CDH13: variants seen among roughly 807,000 people sequenced by gnomAD.
The protein encoded by CDH13 is cadherin-13.
Under a neutral mutation model 63.8 loss-of-function variants are expected in CDH13, and 24 were observed. The observed-to-expected ratio is 0.38, with a 90% CI of 0.27 to 0.53. The LOEUF (loss-of-function observed/expected upper bound fraction) is 0.53. Ranked by LOEUF, CDH13 falls within the 20% of genes least tolerant of loss-of-function variation. CDH13 has a pLI of 0.85. For missense variants in CDH13, 1,049 were observed against 903.1 expected, an observed-to-expected ratio of 1.16 and a Z score of -2.07; for synonymous variants, 503 against 355.3, an observed-to-expected ratio of 1.42 and a Z score of -4.67.
At chr16:83,070,954 G>A (rs559407647) in intron 3 of CDH13, among the ~76,000 whole-genome samples, 4 of 149,644 alleles carry the variant, frequency 2.7e-5, no homozygotes, top group African/African-American at 9.8e-5. Flanking sequence ...TATGCTTCAC[G>A]CAGTCATGCC....
At chr16:83,728,911 C>A in intron 10 of CDH13, 2 of 153,506 alleles carry the variant, frequency 1.3e-5, no homozygotes, top group South Asian at 3.7e-4. Flanking sequence ...CTAGCTGGTT[C>A]AGTCTCTGGG....
intron 7 of CDH13, among the ~76,000 whole-genome samples, chr16:83,496,628 A>C (rs1301030203): frequency 2.0e-5 from 3 of 152,160 alleles, no homozygotes; most frequent in South Asian, 2.1e-4. Context: ...AAAACACCAA[A>C]AGCAATGGCA....
At chr16:82,864,190 G>GTA in intron 2 of CDH13, among the ~76,000 whole-genome samples, 1 of 152,138 alleles carries the variant, frequency 6.6e-6, no homozygotes, top group Admixed American at 6.5e-5. Flanking sequence ...CTTTTCTGAA[G>GTA]TTTTAATATG....
chr16:83,067,688 C>T (rs568300152), intron 3 of CDH13, among the ~76,000 whole-genome samples: 2 of 152,072 alleles, frequency 1.3e-5, no homozygotes, highest in East Asian at 3.9e-4. Flanking sequence ...GACTGAATAA[C>T]AAAAGTAGGT....
intron 8 of CDH13, among the ~76,000 whole-genome samples, chr16:83,604,967 T>C (rs1307649214): frequency 1.3e-5 from 2 of 152,222 alleles, no homozygotes; most frequent in South Asian, 2.1e-4. Flanking sequence ...TAATTTAACA[T>C]GGACTCTAAA....
intron 1 of CDH13, among the ~76,000 whole-genome samples, chr16:82,845,167 T>A (rs1259846631): frequency 1.3e-5 from 2 of 152,066 alleles, no homozygotes; most frequent in Non-Finnish European, 2.9e-5. Context: ...ATCCTTGAGC[T>A]CACTGCTGTA....
intron 8 of CDH13, among the ~76,000 whole-genome samples, chr16:83,643,429 C>G (rs920550121): frequency 5.3e-5 from 8 of 152,050 alleles, no homozygotes; most frequent in African/African-American, 1.9e-4. Flanking sequence ...ATATTGCCAT[C>G]TGTCTCACGA....
intron 3 of CDH13, among the ~76,000 whole-genome samples, chr16:83,080,871 G>GTGTTTTT (rs2033184161): frequency 2.1e-5 from 1 of 46,928 alleles, no homozygotes; most frequent in Non-Finnish European, 3.5e-5. Flanking sequence ...TTGTTTTTGT[G>GTGTTTTT]TTTTTTTTTT....
intron 2 of CDH13, among the ~76,000 whole-genome samples, chr16:82,920,145 T>G (rs1184215115): frequency 6.6e-6 from 1 of 152,192 alleles, no homozygotes; most frequent in Non-Finnish European, 1.5e-5. Flanking sequence ...GCTTCAGGCC[T>G]GGCTGGGTGT....
At chr16:83,568,624 C>T (rs1477245512) in intron 7 of CDH13, among the ~76,000 whole-genome samples, 1 of 152,148 alleles carries the variant, frequency 6.6e-6, no homozygotes, top group Non-Finnish European at 1.5e-5. Flanking sequence ...CAACTAAGGG[C>T]ACCAACAATA....
chr16:83,776,720 T>C (rs1186447282), intron 11 of CDH13, among the ~76,000 whole-genome samples: 4 of 152,168 alleles, frequency 2.6e-5, no homozygotes, highest in African/African-American at 9.7e-5. Flanking sequence ...TCTCTTCACT[T>C]CTTATCCTCG....
chr16:83,703,482 T>A (rs577212710), intron 10 of CDH13, among the ~76,000 whole-genome samples: 2 of 152,228 alleles, frequency 1.3e-5, no homozygotes, highest in Admixed American at 6.5e-5. Context: ...GAGAAATTGT[T>A]TCTGATATAA....
intron 2 of CDH13, among the ~76,000 whole-genome samples, chr16:82,882,557 C>G (rs887585341): frequency 6.6e-6 from 1 of 152,134 alleles, no homozygotes; most frequent in East Asian, 1.9e-4. Context: ...CATTTCTTAA[C>G]CATGCTGGAA....
At chr16:83,156,191 C>G (rs887913168) in intron 4 of CDH13, among the ~76,000 whole-genome samples, 6 of 152,212 alleles carry the variant, frequency 3.9e-5, no homozygotes, top group Admixed American at 2.0e-4. Context: ...AATAACCAAA[C>G]TCCTTGAGTT....
rs57257351 is a variant in CDH13 at position 82,792,834 on chromosome 16, C to T, written c.46-65528C>T. On this transcript the variant is annotated intron_variant, in intron 1 of 13. Coordinates refer to ENST00000567109, the MANE Select transcript of CDH13 (RefSeq NM_001257.5). The stretch of plus-strand genomic sequence containing the variant: ...CAACTGCATCCAGGCTGCGTGACAT[C>T]ATTCCAGACTACAAAGTGCCAAGCG... 3.9e-3 allele frequency among the ~76,000 whole-genome samples: 588 copies of T among 152,352 alleles called. 33 individuals are homozygous for T. In the East Asian group the frequency reaches 0.09, roughly 23 times the overall value.
intron 10 of CDH13, chr16:83,725,432 A>C (rs940542770): frequency 6.6e-6 from 1 of 152,346 alleles, no homozygotes; most frequent in Non-Finnish European, 1.5e-5. Flanking sequence ...AGGCCTACAC[A>C]GTTTGTGACT....
At chr16:82,739,640 A>G (rs1469140886) in intron 1 of CDH13, among the ~76,000 whole-genome samples, 1 of 152,194 alleles carries the variant, frequency 6.6e-6, no homozygotes, top group Non-Finnish European at 1.5e-5. Flanking sequence ...TTTGCCTTTA[A>G]TTATTTAAAA....
chr16:83,298,473 G>A (rs1022844140), intron 5 of CDH13, among the ~76,000 whole-genome samples: 2 of 152,142 alleles, frequency 1.3e-5, no homozygotes, highest in Admixed American at 1.3e-4. Context: ...CCTCAAGCCT[G>A]CAAAAATAAT....
At chr16:83,227,142 T>C (rs781377915) in intron 5 of CDH13, among the ~76,000 whole-genome samples, 4 of 152,166 alleles carry the variant, frequency 2.6e-5, no homozygotes, top group Non-Finnish European at 4.4e-5. Flanking sequence ...CAGAAGCTAA[T>C]TAAATTGATC....
Sources: gnomAD v4.1 joint callset for allele counts (sites outside exome capture counted in the v4.1 genomes callset) on GRCh38, gnomAD v4.1.1 for gene constraint, MANE v1.5 for transcripts, NCBI Gene and HGNC (gene_info 2026-07-23, HGNC 2026-07-21) for gene names.